ZNRF2: variants seen among roughly 807,000 people sequenced by gnomAD.
ZNRF2 encodes zinc and ring finger 2, also known as E3 ubiquitin-protein ligase ZNRF2.
Under a neutral mutation model 20.4 loss-of-function variants are expected in ZNRF2, and 16 were observed. That is an observed-to-expected ratio of 0.79 (90% CI 0.53 to 1.19). ZNRF2 has a LOEUF of 1.19. Among genes scored for constraint, ZNRF2 ranks in the 50% most tolerant of loss-of-function variants. The pLI is 0.00. For missense variants in ZNRF2, 363 were observed against 332.4 expected (o/e 1.09, Z -0.72); for synonymous variants, 178 against 144.9 (o/e 1.23, Z -1.64).
chr7:30,311,070 G>A (rs1799284778), intron 1 of ZNRF2, among the ~76,000 whole-genome samples: 1 of 152,170 alleles, frequency 6.6e-6, no homozygotes, highest in Non-Finnish European at 1.5e-5. Flanking sequence ...CTGTGTGTAA[G>A]GTGATTCTTC....
In ZNRF2 at chr7:30,285,162, G is replaced by A. The variant is rs1364884161; in HGVS notation, c.-196G>A. 1 of 419,344 alleles carries A rather than the reference G, an allele frequency of 2.4e-6. No individual in the cohort carries two copies. The highest frequency in any genetic ancestry group is 1.7e-5 in the South Asian group (1 of 58,066). The allele number at this position is 419,344 out of a possible 1,614,324, so 26.0% of individuals were successfully genotyped here. A position where few individuals can be genotyped will look rare whatever the true frequency, so the allele number is the denominator to read the frequency against. On this transcript the variant is annotated 5_prime_UTR_variant, in exon 1 of 5. Transcript: ENST00000323037. ...TCTCCCGCGCCCGCGTCAGGCCGTC[G>A]GCCTCGCCCGCCGCCCCAAGAAGAG...
intron 2 of ZNRF2, among the ~76,000 whole-genome samples, chr7:30,326,658 G>A (rs940427409): frequency 6.6e-6 from 1 of 152,170 alleles, no homozygotes; most frequent in African/African-American, 2.4e-5. Flanking sequence ...ACCCAGTAGT[G>A]GGATTGATGG....
chr7:30,322,414 G>A (rs1240722966), intron 1 of ZNRF2, among the ~76,000 whole-genome samples: 1 of 152,082 alleles, frequency 6.6e-6, no homozygotes, highest in Non-Finnish European at 1.5e-5. Context: ...TGGAACTAGA[G>A]AGCTGCCAAA....
At chr7:30,299,848 C>T (rs531160923) in intron 1 of ZNRF2, among the ~76,000 whole-genome samples, 6 of 142,746 alleles carry the variant, frequency 4.2e-5, no homozygotes, top group East Asian at 2.1e-4. Flanking sequence ...GGCATGGTCT[C>T]GGCTCACTAC....
At chr7:30,350,770 C>A (rs1799949919) in intron 2 of ZNRF2, among the ~76,000 whole-genome samples, 1 of 151,908 alleles carries the variant, frequency 6.6e-6, no homozygotes, top group Admixed American at 6.6e-5. Context: ...GGGATTATTT[C>A]ACATTTCAGC....
intron 2 of ZNRF2, among the ~76,000 whole-genome samples, chr7:30,330,197 T>C (rs1176856905): frequency 2.0e-5 from 3 of 151,980 alleles, no homozygotes; most frequent in African/African-American, 7.2e-5. Context: ...GTTGGTACTA[T>C]GTTTGTGCAT....
At chr7:30,322,721 G>T (rs1347484289) in intron 1 of ZNRF2, among the ~76,000 whole-genome samples, 1 of 151,366 alleles carries the variant, frequency 6.6e-6, no homozygotes, top group Non-Finnish European at 1.5e-5. Flanking sequence ...CTTCTGATTT[G>T]TGCCTAGCCA....
rs987593413 is a variant in ZNRF2, at chr7:30,285,016, C to G, written c.-342C>G. On this transcript the variant is annotated 5_prime_UTR_variant, in exon 1 of 5. Transcript: ENST00000323037. ...CGCGGCAGCAGAGAGCGGTAGCGGC[C>G]CGTCGTGGCGCACCAGAACCGAAAC... 1.5e-5 allele frequency: 6 copies of G among 397,902 alleles called. No individual in the cohort carries two copies. The highest frequency in any genetic ancestry group is 6.8e-4 in the Middle Eastern group (1 of 1,466). The allele number at this position is 397,902 out of a possible 1,614,324, so 24.6% of individuals were successfully genotyped here.
At chr7:30,324,095 T>C (rs1473213070) in intron 2 of ZNRF2, among the ~76,000 whole-genome samples, 1 of 152,124 alleles carries the variant, frequency 6.6e-6, no homozygotes, top group East Asian at 1.9e-4. Flanking sequence ...AAGAGTGGCA[T>C]TTTCAGGATT....
At chr7:30,292,985 A>G (rs540184926) in intron 1 of ZNRF2, among the ~76,000 whole-genome samples, 110 of 152,294 alleles carry the variant, frequency 7.2e-4, no homozygotes, top group African/African-American at 2.6e-3. Context: ...TGAGGTGGCA[A>G]GAGTCAGCAA....
At chr7:30,288,457 C>A (rs181623003) in intron 1 of ZNRF2, among the ~76,000 whole-genome samples, 2 of 152,174 alleles carry the variant, frequency 1.3e-5, no homozygotes, top group Non-Finnish European at 2.9e-5. Context: ...AAACAGTCCC[C>A]CCCTTTTATT....
At chr7:30,315,433 G>T (rs1042006470) in intron 1 of ZNRF2, among the ~76,000 whole-genome samples, 3 of 152,136 alleles carry the variant, frequency 2.0e-5, no homozygotes, top group Admixed American at 2.0e-4. Context: ...AGTGAAAAGA[G>T]TCCTAGTTCT....
rs1438728169 is a variant in ZNRF2 at position 30,303,456 on chromosome 7, A to T, written c.469+17630A>T. Among the ~76,000 whole-genome samples the T allele has an allele frequency of 4.6e-5, 7 of 152,158 alleles. No individual in the cohort carries two copies. In the South Asian group the frequency reaches 8.3e-4, roughly 18 times the overall value. On this transcript the variant is annotated intron_variant, in intron 1 of 4. Transcript: ENST00000323037. ...GGGCTCCACTCCAAGTTTCTGATTG[A>T]GTAGTTTTGGGGTGAAGAATGAGAA...
chr7:30,320,450 T>A (rs982035467), intron 1 of ZNRF2, among the ~76,000 whole-genome samples: 21 of 152,320 alleles, frequency 1.4e-4, no homozygotes, highest in African/African-American at 5.1e-4. Context: ...GTATACAGTT[T>A]TAAGAGTGCT....
chr7:30,329,200 T>C (rs1799597887), intron 2 of ZNRF2, among the ~76,000 whole-genome samples: 1 of 152,204 alleles, frequency 6.6e-6, no homozygotes, highest in African/African-American at 2.4e-5. Flanking sequence ...CCATGTGATA[T>C]TCAGATACAA....
intron 1 of ZNRF2, among the ~76,000 whole-genome samples, chr7:30,322,209 A>G (rs535542132): frequency 6.6e-6 from 1 of 152,276 alleles, no homozygotes; most frequent in South Asian, 2.1e-4. Flanking sequence ...TGCATGTACT[A>G]CAGTTTGAAA....
In ZNRF2 at chr7:30,355,703, C is replaced by G. The variant is rs1800026372; in HGVS notation, c.566-25C>G. ...CAATTTGATGGATAATTTTATTGTCCTGAATTCATTTTCTCTTTCTTCAGA... is the reference window on the plus strand; with the variant it reads ...CAATTTGATGGATAATTTTATTGTCGTGAATTCATTTTCTCTTTCTTCAGA... On this transcript the variant is annotated intron_variant, in intron 2 of 4. Transcript: ENST00000323037. 2.6e-6 allele frequency: 4 copies of G among 1,565,632 alleles called. No homozygotes were observed. The South Asian group carries it at 3.4e-5, about 13-fold the overall frequency.
At chr7:30,315,736 G>A (rs1331772916) in intron 1 of ZNRF2, among the ~76,000 whole-genome samples, 4 of 94,704 alleles carry the variant, frequency 4.2e-5, no homozygotes, top group Non-Finnish European at 6.5e-5. Context: ...GCGGGGGGGG[G>A]GGGGTTGGGT....
intron 1 of ZNRF2, among the ~76,000 whole-genome samples, chr7:30,301,700 T>TAAAAAAAAA (rs61418583): frequency 8.6e-6 from 1 of 115,700 alleles, no homozygotes; most frequent in East Asian, 2.5e-4. Context: ...AGGCTTTTTT[T>TAAAAAAAAA]AAAAAAAAAA....
Sources: gnomAD v4.1 joint callset for allele counts (sites outside exome capture counted in the v4.1 genomes callset) on GRCh38, gnomAD v4.1.1 for gene constraint, MANE v1.5 for transcripts, NCBI Gene and HGNC (gene_info 2026-07-23, HGNC 2026-07-21) for gene names.